The following ABCB7 variants were observed in gnomAD, a reference collection of about 807,000 sequenced individuals.
The protein encoded by ABCB7 is iron-sulfur clusters transporter ABCB7, mitochondrial.
In ABCB7, 7 loss-of-function variants were observed where a neutral mutation model predicts 54.4. That is an observed-to-expected ratio of 0.13 (90% CI 0.07 to 0.24). ABCB7 has a LOEUF of 0.24. ABCB7 is among the 10% of genes least tolerant of loss of function. The pLI is 1.00. For missense variants in ABCB7, 356 were observed against 570.4 expected (o/e 0.62, Z 3.83); for synonymous variants, 218 against 207.1 (o/e 1.05, Z -0.45).
chrX:75,151,082 T>C (rs1356110872), intron 1 of ABCB7, among the ~76,000 whole-genome samples: 1 of 111,377 alleles, frequency 9.0e-6, no homozygotes, highest in African/African-American at 3.3e-5. Context: ...TGTATATTTT[T>C]CTAGGGAGAA....
At chrX:75,064,005 A>G (rs763883500) in intron 13 of ABCB7, among the ~76,000 whole-genome samples, 3 of 111,185 alleles carry the variant, frequency 2.7e-5, no homozygotes, top group Non-Finnish European at 5.7e-5. Context: ...ACGGACACAT[A>G]ATTTGGGGGT....
At chrX:75,139,832 C>T (rs2082041244) in intron 1 of ABCB7, among the ~76,000 whole-genome samples, 1 of 111,698 alleles carries the variant, frequency 9.0e-6, no homozygotes, top group African/African-American at 3.3e-5. Context: ...TATAATCATA[C>T]AGGCTAGTAC....
chrX:75,096,349 C>T (rs983351284), intron 4 of ABCB7, among the ~76,000 whole-genome samples: 2 of 111,567 alleles, frequency 1.8e-5, no homozygotes, highest in Non-Finnish European at 3.8e-5. Flanking sequence ...GTGAGATCCC[C>T]GGGAGAGTAC....
intron 4 of ABCB7, among the ~76,000 whole-genome samples, chrX:75,088,147 G>A (rs1277038465): frequency 8.9e-6 from 1 of 111,923 alleles, no homozygotes; most frequent in Non-Finnish European, 1.9e-5. Flanking sequence ...AGGTTCTAGA[G>A]GAAATTCTAG....
Position 75,073,848 on chromosome X carries a change from G to A in ABCB7, c.944+20C>T. 8.3e-7 allele frequency: 1 copy of A among 1,197,740 alleles called. No individual in the cohort carries two copies. Among genetic ancestry groups the A allele is most frequent in the Non-Finnish European group, 1.1e-6 (1 of 882,843 alleles). ...CAAAACAATTTCTAAATTTTATGTGGCTTCTAGGGAATAAATTACCTCCAC... is the reference window on the plus strand; with the variant it reads ...CAAAACAATTTCTAAATTTTATGTGACTTCTAGGGAATAAATTACCTCCAC... On this transcript the variant is annotated intron_variant, in intron 7 of 15. Coordinates refer to ENST00000373394, the MANE Select transcript of ABCB7 (RefSeq NM_001271696.3).
chrX:75,134,754 A>T (rs2081997922), intron 1 of ABCB7, among the ~76,000 whole-genome samples: 1 of 112,284 alleles, frequency 8.9e-6, no homozygotes, highest in South Asian at 3.7e-4. Context: ...TTAAGGCAGA[A>T]ATCAGGAAAT....
rs746315100 is a variant in ABCB7, at chrX:75,111,161, G to C, written c.333+1725C>G. ...GGTTATAAGGTAAAATCTATTATTT[G>C]TCACAGTGATAAAACTTCTACATGG... On this transcript the variant is annotated intron_variant, in intron 3 of 15. Transcript: ENST00000373394. Among the ~76,000 whole-genome samples the C allele has an allele frequency of 4.4e-4, 49 of 111,990 alleles. No homozygotes were observed. The East Asian group carries it at 0.011, about 25-fold the overall frequency.
intron 1 of ABCB7, among the ~76,000 whole-genome samples, chrX:75,125,590 C>A (rs185518045): frequency 9.0e-6 from 1 of 110,824 alleles, no homozygotes; most frequent in Admixed American, 9.6e-5. Flanking sequence ...TTTGTGTCTC[C>A]CTTTTCAGGT....
intron 14 of ABCB7, among the ~76,000 whole-genome samples, chrX:75,061,481 C>T (rs771647723): frequency 9.0e-6 from 1 of 111,455 alleles, no homozygotes; most frequent in Admixed American, 9.5e-5. Flanking sequence ...ATATGCTAAC[C>T]AATTCACTTC....
intron 1 of ABCB7, among the ~76,000 whole-genome samples, chrX:75,134,211 C>G (rs2081993891): frequency 9.0e-6 from 1 of 111,549 alleles, no homozygotes; most frequent in African/African-American, 3.3e-5. Context: ...TTTAAACCAA[C>G]AACAATCAAA....
At chrX:75,141,217 C>A (rs1028781787) in intron 1 of ABCB7, among the ~76,000 whole-genome samples, 7 of 111,824 alleles carry the variant, frequency 6.3e-5, no homozygotes, top group Non-Finnish European at 1.3e-4. Flanking sequence ...AAAGAATAGA[C>A]AATAATTGGG....
At chrX:75,106,451 A>T (rs920932656) in intron 3 of ABCB7, among the ~76,000 whole-genome samples, 26 of 112,452 alleles carry the variant, frequency 2.3e-4, no homozygotes, top group Non-Finnish European at 3.8e-5. Flanking sequence ...TTAAATAATT[A>T]AAAAACAACA....
At chrX:75,055,267 A>G (rs975679955) in intron 15 of ABCB7, among the ~76,000 whole-genome samples, 1 of 110,099 alleles carries the variant, frequency 9.1e-6, no homozygotes, top group Non-Finnish European at 1.9e-5. Context: ...CCTTCTCTCT[A>G]TATATACATG....
intron 1 of ABCB7, among the ~76,000 whole-genome samples, chrX:75,115,266 CAAAAAAAAAAAAA>C (rs1160024642): frequency 3.8e-4 from 5 of 13,252 alleles, no homozygotes; most frequent in East Asian, 3.9e-3. Flanking sequence ...GACTCTGTCT[CAAAAAAAAAAAAA>C]AAAAAAAAAA....
intron 1 of ABCB7, among the ~76,000 whole-genome samples, chrX:75,129,560 C>A (rs1008775031): frequency 9.3e-6 from 1 of 107,769 alleles, no homozygotes; most frequent in African/African-American, 3.4e-5. Flanking sequence ...CAAACCTGCA[C>A]GTTCTGCACG....
In ABCB7 at chrX:75,156,097, C is replaced by T. The variant is rs777208736; in HGVS notation, c.168+8G>A. ...TCACCCTATTCTTCCATGTCAGTGG[C>T]ATCTCACCTGGTAGGCTCGAGCGGT... On this transcript the variant is annotated splice_region_variant and intron_variant, in intron 1 of 15. Coordinates refer to ENST00000373394, the MANE Select transcript of ABCB7 (RefSeq NM_001271696.3). The T allele has an allele frequency of 8.3e-6, 10 of 1,210,371 alleles. No homozygotes were observed. The highest frequency in any genetic ancestry group is 5.9e-5 in the East Asian group (2 of 33,786).
At chrX:75,125,798 G>GA (rs760575495) in intron 1 of ABCB7, among the ~76,000 whole-genome samples, 1 of 109,428 alleles carries the variant, frequency 9.1e-6, no homozygotes, top group South Asian at 4.0e-4. Context: ...CTCCTCAAAT[G>GA]AAAAAAAGGG....
At chrX:75,150,758 G>T (rs950633629) in intron 1 of ABCB7, among the ~76,000 whole-genome samples, 11 of 111,367 alleles carry the variant, frequency 9.9e-5, no homozygotes, top group Non-Finnish European at 2.1e-4. Context: ...ACTTTTCTTT[G>T]AAAAAGCAAA....
intron 1 of ABCB7, among the ~76,000 whole-genome samples, chrX:75,130,561 T>A (rs1173161384): frequency 1.8e-5 from 2 of 112,235 alleles, no homozygotes; most frequent in Non-Finnish European, 3.8e-5. Flanking sequence ...TGAAGAATTA[T>A]GGTTATACTT....
Sources: allele counts gnomAD v4.1 joint callset (sites outside exome capture counted in the v4.1 genomes callset), GRCh38; gene constraint gnomAD v4.1.1; transcripts MANE v1.5; gene names NCBI Gene and HGNC (gene_info 2026-07-23, HGNC 2026-07-21).